Variants in FGF14 observed in about 807,000 individuals in gnomAD.
FGF14 encodes the protein fibroblast growth factor homologous factor 4.
Under a neutral mutation model 25.5 loss-of-function variants are expected in FGF14, and 5 were observed. The ratio of observed to expected loss-of-function variants is 0.20; its 90% CI spans 0.10 to 0.41. FGF14 has a LOEUF of 0.41. Among genes scored for constraint, FGF14 ranks in the 10% least tolerant of loss-of-function variants. FGF14 has a pLI of 1.00. For synonymous variants in FGF14, 138 were observed against 118.3 expected, an observed-to-expected ratio of 1.17 and a Z score of -1.08; for missense variants, 222 against 320.1, an observed-to-expected ratio of 0.69 and a Z score of 2.34.
chr13:101,904,484 T>C (rs2031989275), intron 1 of FGF14, among the ~76,000 whole-genome samples: 1 of 152,210 alleles, frequency 6.6e-6, no homozygotes, highest in Non-Finnish European at 1.5e-5. Flanking sequence ...CACCAGTTAT[T>C]GCTAAAAAAT....
intron 3 of FGF14, among the ~76,000 whole-genome samples, chr13:101,823,339 A>G (rs1479126674): frequency 6.7e-6 from 1 of 149,944 alleles, no homozygotes; most frequent in Non-Finnish European, 1.5e-5. Flanking sequence ...GTATATGTAT[A>G]TACATACAAA....
chr13:102,200,097 C>T (rs1187809732), intron 1 of FGF14, among the ~76,000 whole-genome samples: 1 of 152,106 alleles, frequency 6.6e-6, no homozygotes, highest in Admixed American at 6.5e-5. Flanking sequence ...TACTATCTGC[C>T]GCATAGAGTT....
At chr13:102,080,674 G>A (rs2043576946) in intron 1 of FGF14, among the ~76,000 whole-genome samples, 2 of 152,204 alleles carry the variant, frequency 1.3e-5, no homozygotes, top group South Asian at 4.1e-4. Context: ...AAATGTTGGT[G>A]TTTTGTCTAC....
At chr13:102,045,238 T>A (rs1288410562) in intron 1 of FGF14, among the ~76,000 whole-genome samples, 1 of 151,996 alleles carries the variant, frequency 6.6e-6, no homozygotes, top group Non-Finnish European at 1.5e-5. Context: ...ATACATCCTT[T>A]AGGGATGACT....
intron 1 of FGF14, among the ~76,000 whole-genome samples, chr13:101,914,588 T>A (rs1472361193): frequency 1.3e-5 from 2 of 152,126 alleles, no homozygotes; most frequent in Non-Finnish European, 1.5e-5. Flanking sequence ...ATTAGAAAAC[T>A]CAGACAGCTT....
chr13:101,888,546 A>G (rs752884925), intron 1 of FGF14, among the ~76,000 whole-genome samples: 2 of 152,156 alleles, frequency 1.3e-5, no homozygotes, highest in Non-Finnish European at 2.9e-5. Flanking sequence ...TCCTACTGAC[A>G]TTTCCACATG....
chr13:101,913,692 T>C (rs760958516), intron 1 of FGF14, among the ~76,000 whole-genome samples: 2 of 151,510 alleles, frequency 1.3e-5, no homozygotes, highest in Non-Finnish European at 2.9e-5. Flanking sequence ...GCACACACAT[T>C]GCTTTTTCTA....
chr13:101,862,094 G>A (rs1178812114), intron 3 of FGF14, among the ~76,000 whole-genome samples: 3 of 152,070 alleles, frequency 2.0e-5, no homozygotes, highest in Non-Finnish European at 4.4e-5. Context: ...AAACTGGGCT[G>A]AGCTTTAAGA....
chr13:101,948,877 C>A (rs1005781554), intron 1 of FGF14, among the ~76,000 whole-genome samples: 2 of 152,134 alleles, frequency 1.3e-5, no homozygotes, highest in African/African-American at 4.8e-5. Context: ...AATCTTCCTG[C>A]AATTTTGCAA....
At chr13:101,832,157 T>C (rs1343512157) in intron 3 of FGF14, among the ~76,000 whole-genome samples, 1 of 152,026 alleles carries the variant, frequency 6.6e-6, no homozygotes, top group Non-Finnish European at 1.5e-5. Flanking sequence ...GAAGGCACTG[T>C]GACCACAGAG....
chr13:102,398,641 TA>T (rs1052336990), intron 1 of FGF14, among the ~76,000 whole-genome samples: 16 of 152,056 alleles, frequency 1.1e-4, no homozygotes, highest in African/African-American at 3.9e-4. Flanking sequence ...AAAAGAATTT[TA>T]GTGTTTGTTT....
At chr13:102,369,964 C>A (rs939648919) in intron 1 of FGF14, among the ~76,000 whole-genome samples, 2 of 152,188 alleles carry the variant, frequency 1.3e-5, no homozygotes, top group South Asian at 4.1e-4. Flanking sequence ...AATTACCCAG[C>A]ATTGAATTCT....
chr13:101,987,894 T>G (rs7987912), intron 1 of FGF14, among the ~76,000 whole-genome samples: 59,799 of 151,900 alleles, frequency 0.39, 12,381 homozygotes, highest in East Asian at 0.71. Context: ...ATACTATGTT[T>G]ATGGATATAT....
intron 1 of FGF14, among the ~76,000 whole-genome samples, chr13:101,914,828 T>C (rs770989085): frequency 6.6e-6 from 1 of 152,044 alleles, no homozygotes; most frequent in Non-Finnish European, 1.5e-5. Context: ...AATTTGGAGC[T>C]GTATGTGGTG....
chr13:102,202,469 G>C (rs2049705688), intron 1 of FGF14, among the ~76,000 whole-genome samples: 1 of 152,214 alleles, frequency 6.6e-6, no homozygotes, highest in Admixed American at 6.5e-5. Context: ...GTGATGGCCA[G>C]GGCAGAAGGA....
chr13:101,869,391 T>C (rs1334807665), intron 2 of FGF14, among the ~76,000 whole-genome samples: 1 of 152,218 alleles, frequency 6.6e-6, no homozygotes, highest in African/African-American at 2.4e-5. Flanking sequence ...GGCATGCAAA[T>C]GTCAGAGAGG....
At chr13:101,734,044 G>T (rs1473969873) in intron 3 of FGF14, among the ~76,000 whole-genome samples, 1 of 151,962 alleles carries the variant, frequency 6.6e-6, no homozygotes, top group Non-Finnish European at 1.5e-5. Context: ...GCATGTGTGT[G>T]TGTGTGCACG....
At chr13:102,011,392 A>T (rs1224626181) in intron 1 of FGF14, among the ~76,000 whole-genome samples, 3 of 152,190 alleles carry the variant, frequency 2.0e-5, no homozygotes, top group African/African-American at 7.2e-5. Flanking sequence ...CTGCAGGAGT[A>T]TGAAGCTTAT....
At chr13:102,322,884 T>TA (rs946891449) in intron 1 of FGF14, among the ~76,000 whole-genome samples, 81 of 145,714 alleles carry the variant, frequency 5.6e-4, no homozygotes, top group Middle Eastern at 3.5e-3. Flanking sequence ...AACTTAACAT[T>TA]AAAAAAAAAA....
Sources: allele counts gnomAD v4.1 joint callset (sites outside exome capture counted in the v4.1 genomes callset), GRCh38; gene constraint gnomAD v4.1.1; transcripts MANE v1.5; gene names NCBI Gene and HGNC (gene_info 2026-07-23, HGNC 2026-07-21).